The following HIRA variants were observed in gnomAD, a reference collection of about 807,000 sequenced individuals.
HIRA encodes the protein protein HIRA.
HIRA carries 13 observed loss-of-function variants against 126.6 expected under a neutral mutation model. The ratio of observed to expected loss-of-function variants is 0.10; its 90% CI spans 0.07 to 0.16. HIRA has a LOEUF of 0.16. Among genes scored for constraint, HIRA ranks in the 10% least tolerant of loss-of-function variants. HIRA has a pLI of 1.00. For synonymous variants in HIRA, 511 were observed against 520.0 expected (o/e 0.98, Z 0.24); for missense variants, 834 against 1,314.4 (o/e 0.63, Z 5.65).
At chr22:19,420,848 A>G (rs2089440781) in intron 1 of HIRA, among the ~76,000 whole-genome samples, 1 of 152,230 alleles carries the variant, frequency 6.6e-6, no homozygotes, top group East Asian at 1.9e-4. Flanking sequence ...TTTAACAACA[A>G]AAAGTTATCT....
intron 20 of HIRA, 113 bp downstream of exon 20, chr22:19,356,117 C>A: frequency 6.8e-6 from 7 of 1,026,938 alleles, no homozygotes; most frequent in Non-Finnish European, 1.1e-5. Context: ...TCCTGCCTCA[C>A]TGAGAGCCCT....
At chr22:19,430,609 T>C (rs1343369445) in intron 1 of HIRA, among the ~76,000 whole-genome samples, 1 of 146,934 alleles carries the variant, frequency 6.8e-6, no homozygotes, top group Non-Finnish European at 1.5e-5. Flanking sequence ...GGTTGATTTC[T>C]GTGCTACAGT....
At chr22:19,388,271 G>C (rs1345644050) in intron 10 of HIRA, among the ~76,000 whole-genome samples, 2 of 152,148 alleles carry the variant, frequency 1.3e-5, no homozygotes, top group Admixed American at 1.3e-4. Flanking sequence ...ATTTTCCAGT[G>C]GCAAATTCTA....
intron 9 of HIRA, among the ~76,000 whole-genome samples, chr22:19,391,256 C>T (rs1347652207): frequency 1.3e-5 from 2 of 152,104 alleles, no homozygotes; most frequent in Admixed American, 6.5e-5. Context: ...GAAGCAAGTA[C>T]CACACAATTG....
At chr22:19,334,717 G>A (rs1203290928) in intron 24 of HIRA, among the ~76,000 whole-genome samples, 15 of 152,028 alleles carry the variant, frequency 9.9e-5, no homozygotes, top group African/African-American at 2.9e-4. Context: ...CAACGCACCC[G>A]GCAGTCCTTT....
rs367852194 is a variant in HIRA at position 19,331,245 on chromosome 22, C to G, written c.*195G>C. 132 of 1,507,306 alleles carry G rather than the reference C, an allele frequency of 8.8e-5. No individual in the cohort carries two copies. In the African/African-American group the frequency reaches 1.3e-3, roughly 15 times the overall value. 93.4% of individuals were successfully genotyped at this position (1,507,306 alleles called of 1,614,324 possible). A position where few individuals can be genotyped will look rare whatever the true frequency, so the allele number is the denominator to read the frequency against. On this transcript the variant is annotated 3_prime_UTR_variant, in exon 25 of 25. Transcript: ENST00000263208. ...CTTGGAGGGAGGGATGAGCTTCCCC[C>G]TCCTGAGGCAATGTCAGACCCAGGA...
At chr22:19,403,938 A>G (rs1160674122) in intron 5 of HIRA, among the ~76,000 whole-genome samples, 1 of 152,158 alleles carries the variant, frequency 6.6e-6, no homozygotes, top group Non-Finnish European at 1.5e-5. Flanking sequence ...CTATGGTATC[A>G]ATTATGAAAG....
intron 21 of HIRA, 46 bp downstream of exon 21, chr22:19,355,714 G>A: frequency 7.2e-7 from 1 of 1,396,910 alleles, no homozygotes; most frequent in South Asian, 1.2e-5. Flanking sequence ...GTCTAGAGCA[G>A]ACAGACACTC....
chr22:19,405,376 A>T, intron 5 of HIRA: 1 of 474,168 alleles, frequency 2.1e-6, no homozygotes, highest in Non-Finnish European at 2.8e-6. Context: ...TATTTAAAAC[A>T]CTGCAAACAT....
At chr22:19,347,209 T>C (rs1377362822) in intron 24 of HIRA, among the ~76,000 whole-genome samples, 3 of 152,228 alleles carry the variant, frequency 2.0e-5, no homozygotes, top group African/African-American at 7.2e-5. Context: ...CGAACAGCTG[T>C]ACTCTTGAAA....
intron 1 of HIRA, among the ~76,000 whole-genome samples, chr22:19,415,711 C>T (rs1056109052): frequency 6.6e-6 from 1 of 152,114 alleles, no homozygotes; most frequent in African/African-American, 2.4e-5. Flanking sequence ...ATTGCTTGAA[C>T]CCGGGAGGTG....
intron 7 of HIRA, among the ~76,000 whole-genome samples, chr22:19,395,781 A>G (rs1415485989): frequency 6.6e-6 from 1 of 152,180 alleles, no homozygotes; most frequent in Non-Finnish European, 1.5e-5. Flanking sequence ...TGGGGCTTTA[A>G]GCTTCAAGAG....
At chr22:19,338,982 C>A (rs2088596995) in intron 24 of HIRA, among the ~76,000 whole-genome samples, 1 of 152,198 alleles carries the variant, frequency 6.6e-6, no homozygotes, top group African/African-American at 2.4e-5. Flanking sequence ...ACATTCTACC[C>A]AACAACTGCA....
intron 24 of HIRA, among the ~76,000 whole-genome samples, chr22:19,349,194 C>T (rs2088727117): frequency 6.8e-6 from 1 of 147,772 alleles, no homozygotes; most frequent in African/African-American, 2.5e-5. Context: ...CAGCCTCCTC[C>T]TCCCGGTTCA....
rs2089325208 is a variant in HIRA at position 19,408,532 on chromosome 22, C to T, written c.162G>A (p.Glu54=). ...NMSPVLQEDD[E]KDENIPKMLC... ...GCATCTTGGGAATATTTTCATCCTT[C>T]TCGTCATCCTCCTGGAGGACTGGAG... Residue 54 remains glutamate (E), a synonymous_variant, in exon 3 of 25, where the codon GAG becomes GAA. Coordinates refer to ENST00000263208, the MANE Select transcript of HIRA (RefSeq NM_003325.4). 1.2e-6 allele frequency: 2 copies of T among 1,613,926 alleles called. No homozygotes were observed. Among genetic ancestry groups the T allele is most frequent in the Non-Finnish European group, 8.5e-7 (1 of 1,179,752 alleles).
intron 1 of HIRA, among the ~76,000 whole-genome samples, chr22:19,412,948 G>C (rs1349879893): frequency 2.6e-5 from 4 of 152,210 alleles, no homozygotes; most frequent in Admixed American, 2.0e-4. Flanking sequence ...AAAGCCACCT[G>C]ACTCAGCCTC....
intron 24 of HIRA, among the ~76,000 whole-genome samples, chr22:19,332,890 A>G (rs1433537884): frequency 6.6e-6 from 1 of 152,248 alleles, no homozygotes; most frequent in East Asian, 1.9e-4. Flanking sequence ...TTAATAGAGA[A>G]GATTTAGAAA....
intron 1 of HIRA, among the ~76,000 whole-genome samples, chr22:19,414,580 G>A (rs547342834): frequency 6.6e-6 from 1 of 152,306 alleles, no homozygotes; most frequent in South Asian, 2.1e-4. Flanking sequence ...GGAAAGTTGA[G>A]GCTTTTGCCC....
chr22:19,381,119 C>A lies in HIRA; in HGVS notation c.1415+2501G>T, dbSNP rs2089069556. Among the ~76,000 whole-genome samples, 4 of 152,126 alleles carry A rather than the reference C, an allele frequency of 2.6e-5. No homozygotes were observed. In the South Asian group the frequency reaches 8.3e-4, roughly 32 times the overall value. On this transcript the variant is annotated intron_variant, in intron 13 of 24. Coordinates refer to ENST00000263208, the MANE Select transcript of HIRA (RefSeq NM_003325.4). ...TCAGTAGGGTTTTTAATTTTTTCTTCATTAAGATATGCATCTCTGGTTGCA... is the reference window on the plus strand; with the variant it reads ...TCAGTAGGGTTTTTAATTTTTTCTTAATTAAGATATGCATCTCTGGTTGCA...
Sources: gnomAD v4.1 joint callset for allele counts (sites outside exome capture counted in the v4.1 genomes callset) on GRCh38, gnomAD v4.1.1 for gene constraint, MANE v1.5 for transcripts, NCBI Gene and HGNC (gene_info 2026-07-23, HGNC 2026-07-21) for gene names.